UNC93A: variants seen among roughly 807,000 people sequenced by gnomAD.
UNC93A encodes N-acetylglucosamine transporter UNC93A.
UNC93A carries 43 observed loss-of-function variants against 47.5 expected under a neutral mutation model. The observed-to-expected ratio is 0.91, with a 90% CI of 0.71 to 1.17. The LOEUF is 1.17. Among genes scored for constraint, UNC93A ranks in the 50% most tolerant of loss-of-function variants. The probability of loss-of-function intolerance (pLI) is 0.00; values close to 1 mark genes in which losing one functional copy is unlikely to be tolerated. For missense variants in UNC93A, 605 were observed against 577.6 expected, an observed-to-expected ratio of 1.05 and a Z score of -0.49; for synonymous variants, 280 against 258.0, an observed-to-expected ratio of 1.09 and a Z score of -0.82.
intron 4 of UNC93A, among the ~76,000 whole-genome samples, chr6:167,299,539 G>A (rs1778182978): frequency 6.6e-6 from 1 of 152,200 alleles, no homozygotes; most frequent in Admixed American, 6.5e-5. Flanking sequence ...ACATTCAGAT[G>A]ACTAGAAGCT....
chr6:167,307,973 C>T, intron 7 of UNC93A, 63 bp downstream of exon 7: 1 of 1,592,920 alleles, frequency 6.3e-7, no homozygotes, highest in Non-Finnish European at 8.5e-7. Context: ...GCCAAGGCAA[C>T]TGTGGGGCTC....
intron 4 of UNC93A, among the ~76,000 whole-genome samples, chr6:167,300,522 C>T (rs115630316): frequency 5.9e-5 from 9 of 152,074 alleles, no homozygotes; most frequent in South Asian, 4.1e-4. Context: ...GCCCATCAGG[C>T]GAGCAACCTG....
upstream of UNC93A, among the ~76,000 whole-genome samples, chr6:167,270,841 G>T (rs559284316): frequency 1.1e-3 from 170 of 152,362 alleles, 1 homozygote; most frequent in South Asian, 2.7e-3. Context: ...TCTGCAGAGG[G>T]AGCCTGGCCC....
At chr6:167,269,656 G>A (rs1450284776), upstream of UNC93A, among the ~76,000 whole-genome samples, 1 of 151,974 alleles carries the variant, frequency 6.6e-6, no homozygotes. Flanking sequence ...GCCCAGGCTA[G>A]AGTGCAGTGG....
At chr6:167,312,780 G>A (rs1778595462) in intron 7 of UNC93A, among the ~76,000 whole-genome samples, 2 of 152,226 alleles carry the variant, frequency 1.3e-5, no homozygotes, top group Admixed American at 1.3e-4. Context: ...GTCCTTAGCT[G>A]TGGGTAGTTC....
chr6:167,310,976 C>T (rs1289682229), intron 7 of UNC93A, among the ~76,000 whole-genome samples: 9 of 152,172 alleles, frequency 5.9e-5, no homozygotes, highest in Admixed American at 4.6e-4. Context: ...ATTTTAGTGC[C>T]GCGTTCCTGC....
At chr6:167,273,315 G>A (rs944608202) in intron 1 of UNC93A, among the ~76,000 whole-genome samples, 2 of 152,192 alleles carry the variant, frequency 1.3e-5, no homozygotes, top group Admixed American at 6.5e-5. Context: ...TCCAGGTGAA[G>A]CCCACCCTGA....
chr6:167,311,076 C>T (rs1778542584), intron 7 of UNC93A, among the ~76,000 whole-genome samples: 1 of 152,190 alleles, frequency 6.6e-6, no homozygotes, highest in African/African-American at 2.4e-5. Context: ...TTTTATGTAG[C>T]TTTGGCTACA....
chr6:167,307,266 G>A (rs990772324), intron 6 of UNC93A, among the ~76,000 whole-genome samples: 5 of 152,144 alleles, frequency 3.3e-5, no homozygotes, highest in African/African-American at 1.2e-4. Context: ...TCACGCAGCA[G>A]GTGTATGGTG....
At chr6:167,281,154 G>A (rs1309338077) in intron 1 of UNC93A, among the ~76,000 whole-genome samples, 2 of 151,456 alleles carry the variant, frequency 1.3e-5, no homozygotes, top group Admixed American at 6.6e-5. Context: ...CCACTGAGAG[G>A]AGCCTCGGTA....
chr6:167,285,214 C>G (rs1393819861), intron 1 of UNC93A, among the ~76,000 whole-genome samples: 2 of 147,394 alleles, frequency 1.4e-5, no homozygotes, highest in East Asian at 2.2e-4. Flanking sequence ...GCCACACAGG[C>G]TGGCCCTGAG....
chr6:167,309,760 A>T (rs1778507064), intron 7 of UNC93A, among the ~76,000 whole-genome samples: 1 of 152,164 alleles, frequency 6.6e-6, no homozygotes, highest in African/African-American at 2.4e-5. Context: ...TCCACAGGAC[A>T]GCTGAAAATC....
intron 1 of UNC93A, among the ~76,000 whole-genome samples, chr6:167,282,364 T>C (rs952515496): frequency 3.3e-5 from 5 of 151,772 alleles, no homozygotes; most frequent in African/African-American, 9.7e-5. Flanking sequence ...CAAGAGAAAG[T>C]GTGCATAGGG....
intron 1 of UNC93A, among the ~76,000 whole-genome samples, chr6:167,292,263 G>A (rs1159126206): frequency 6.6e-6 from 1 of 152,076 alleles, no homozygotes; most frequent in African/African-American, 2.4e-5. Context: ...TTACTCCCCC[G>A]GCTTATTCAT....
chr6:167,306,163 C>T lies in UNC93A; in HGVS notation c.976+113C>T, dbSNP rs1778385468. ...AGTGCCCCTGAAACTGCTTTGAAAT[C>T]AGTAACGCCCTGTAAGATGCATTCA... On this transcript the variant is annotated intron_variant, in intron 6 of 7. Transcript: ENST00000230256. The T allele has an allele frequency of 2.3e-5, 32 of 1,409,820 alleles. 1 individual carries two copies. The Middle Eastern group carries it at 6.0e-4, about 26-fold the overall frequency. The allele number at this position is 1,409,820 out of a possible 1,614,324, so 87.3% of individuals were successfully genotyped here.
upstream of UNC93A, among the ~76,000 whole-genome samples, chr6:167,269,057 G>A (rs562630671): frequency 5.3e-5 from 8 of 152,312 alleles, no homozygotes; most frequent in East Asian, 3.9e-4. Context: ...GGACCAGGAC[G>A]AAGCAGCTGG....
chr6:167,287,684 G>GGTGTGT (rs56769110), upstream of UNC93A, among the ~76,000 whole-genome samples: 1 of 150,590 alleles, frequency 6.6e-6, no homozygotes, highest in African/African-American at 2.5e-5. Context: ...AAATAAAAAG[G>GGTGTGT]GTGTGTGTGT....
intron 4 of UNC93A, among the ~76,000 whole-genome samples, chr6:167,301,842 G>T (rs531647398): frequency 2.6e-4 from 40 of 152,270 alleles, no homozygotes; most frequent in African/African-American, 8.4e-4. Flanking sequence ...AGCTCAGGGG[G>T]TCGGCTTGGA....
intron 1 of UNC93A, among the ~76,000 whole-genome samples, chr6:167,273,268 C>T (rs560875770): frequency 4.7e-5 from 7 of 148,502 alleles, no homozygotes; most frequent in Admixed American, 4.7e-4. Context: ...GGCACCAGAG[C>T]AATAAGGAAG....
Sources: gnomAD v4.1 joint callset for allele counts (sites outside exome capture counted in the v4.1 genomes callset) on GRCh38, gnomAD v4.1.1 for gene constraint, MANE v1.5 for transcripts, NCBI Gene and HGNC (gene_info 2026-07-23, HGNC 2026-07-21) for gene names.